Variants in IKZF3 observed in about 807,000 individuals in gnomAD.
IKZF3 encodes IKAROS family zinc finger 3, also known as zinc finger protein Aiolos.
Under a neutral mutation model 49.0 loss-of-function variants are expected in IKZF3, and 10 were observed. That is an observed-to-expected ratio of 0.20 (90% CI 0.13 to 0.35). The LOEUF is 0.35. Ranked by LOEUF, IKZF3 falls within the 10% of genes least tolerant of loss-of-function variation. IKZF3 has a pLI of 1.00. For missense variants in IKZF3, 498 were observed against 664.8 expected, an observed-to-expected ratio of 0.75 and a Z score of 2.76; for synonymous variants, 209 against 228.2, an observed-to-expected ratio of 0.92 and a Z score of 0.76.
chr17:39,801,146 G>C (rs2061306864), intron 3 of IKZF3, among the ~76,000 whole-genome samples: 1 of 152,204 alleles, frequency 6.6e-6, no homozygotes, highest in South Asian at 2.1e-4. Context: ...GGCTGTTAGG[G>C]AAGGCACAAA....
intron 3 of IKZF3, among the ~76,000 whole-genome samples, chr17:39,793,158 T>C (rs1414904315): frequency 1.3e-5 from 2 of 151,820 alleles, no homozygotes; most frequent in Admixed American, 6.6e-5. Flanking sequence ...AAATAGACGA[T>C]AGTGTTTTAG....
At chr17:39,788,222 G>A in intron 6 of IKZF3, 36 bp downstream of exon 6, 2 of 1,258,942 alleles carry the variant, frequency 1.6e-6, no homozygotes, top group South Asian at 2.4e-5. Flanking sequence ...ACCTAGGACA[G>A]CAGATGCTCA....
intron 3 of IKZF3, among the ~76,000 whole-genome samples, chr17:39,801,984 T>C (rs906499819): frequency 1.3e-5 from 2 of 151,912 alleles, no homozygotes; most frequent in African/African-American, 4.8e-5. Context: ...CCCAGCACTT[T>C]GGGAGGCTGA....
Position 39,798,528 on chromosome 17 carries a change from C to T in IKZF3, c.164-5595G>A, listed in dbSNP as rs374976558. ...ACGTATTTTTTTTTTTTTTTTGAGACGGAGTCTTTCTCTGTCTCTCAGGCT... is the reference window on the plus strand; with the variant it reads ...ACGTATTTTTTTTTTTTTTTTGAGATGGAGTCTTTCTCTGTCTCTCAGGCT... On this transcript the variant is annotated intron_variant, in intron 3 of 7. Coordinates refer to ENST00000346872, the MANE Select transcript of IKZF3 (RefSeq NM_012481.5). 1.0e-3 allele frequency among the ~76,000 whole-genome samples: 152 copies of T among 146,316 alleles called. 1 individual carries two copies. Among genetic ancestry groups the T allele is most frequent in the African/African-American group, 3.3e-3 (131 of 39,184 alleles).
At chr17:39,829,525 C>T (rs371738204) in intron 2 of IKZF3, 37 bp from the exon 3 acceptor site, 23 of 1,429,372 alleles carry the variant, frequency 1.6e-5, no homozygotes, top group South Asian at 3.5e-5. Context: ...TGTGGTTCAA[C>T]GTTAAAGGAT....
chr17:39,860,763 A>G (rs1357786327), intron 1 of IKZF3, among the ~76,000 whole-genome samples: 2 of 152,190 alleles, frequency 1.3e-5, no homozygotes, highest in African/African-American at 4.8e-5. Flanking sequence ...AAAACTACCT[A>G]TAGGACACTA....
chr17:39,780,133 G>C (rs939710167), intron 6 of IKZF3, among the ~76,000 whole-genome samples: 1 of 151,690 alleles, frequency 6.6e-6, no homozygotes, highest in African/African-American at 2.4e-5. Flanking sequence ...GAGCCCAGGG[G>C]TTTGAGGTTA....
intron 1 of IKZF3, among the ~76,000 whole-genome samples, chr17:39,833,188 G>A (rs1473790075): frequency 6.6e-6 from 1 of 152,102 alleles, no homozygotes; most frequent in African/African-American, 2.4e-5. Flanking sequence ...GCAGATATCA[G>A]TATACCTCAG....
intron 7 of IKZF3, among the ~76,000 whole-genome samples, chr17:39,776,713 G>T (rs1266308803): frequency 2.0e-5 from 3 of 152,184 alleles, no homozygotes; most frequent in African/African-American, 7.2e-5. Flanking sequence ...AATTTAGTCA[G>T]ATTTAAAAAC....
intron 6 of IKZF3, among the ~76,000 whole-genome samples, chr17:39,781,776 A>G (rs1294724154): frequency 6.6e-6 from 1 of 152,228 alleles, no homozygotes; most frequent in African/African-American, 2.4e-5. Context: ...TTTTGAGATA[A>G]CATCACCTTT....
chr17:39,843,457 C>T (rs924774741), intron 1 of IKZF3, among the ~76,000 whole-genome samples: 3 of 150,904 alleles, frequency 2.0e-5, no homozygotes, highest in East Asian at 1.9e-4. Context: ...AAAGAAAGAA[C>T]GAAAACTAGC....
At chr17:39,802,221 CAAAAAA>C (rs56029512) in intron 3 of IKZF3, among the ~76,000 whole-genome samples, 1 of 54,416 alleles carries the variant, frequency 1.8e-5, no homozygotes, top group Admixed American at 3.3e-4. Context: ...GACTCCATCT[CAAAAAA>C]AAAAAAAAAA....
At chr17:39,781,083 TA>T (rs2060731011) in intron 6 of IKZF3, among the ~76,000 whole-genome samples, 1 of 152,134 alleles carries the variant, frequency 6.6e-6, no homozygotes, top group South Asian at 2.1e-4. Flanking sequence ...CAGTTGTAAA[TA>T]ACGGGCACTT....
At chr17:39,782,219 C>G (rs2060760231) in intron 6 of IKZF3, among the ~76,000 whole-genome samples, 1 of 152,172 alleles carries the variant, frequency 6.6e-6, no homozygotes, top group Non-Finnish European at 1.5e-5. Context: ...TGTTGGATAG[C>G]TGATGCACAA....
At position 39,792,664 on chromosome 17, in the gene IKZF3, A is replaced by G. The variant is rs1458392163; in HGVS notation, c.424+9T>C. On this transcript the variant is annotated intron_variant, in intron 4 of 7. Coordinates refer to ENST00000346872, the MANE Select transcript of IKZF3 (RefSeq NM_012481.5). ...GTTTTCAGAAGAATGAAAAAAGCAG[A>G]CTATTTACCAGTATGGCTTCGCTTA... 1 of 1,602,542 alleles carries G rather than the reference A, an allele frequency of 6.2e-7. No homozygotes were observed. The highest frequency in any genetic ancestry group is 2.2e-5 in the East Asian group (1 of 44,700).
intron 3 of IKZF3, among the ~76,000 whole-genome samples, chr17:39,799,398 T>C (rs2061260730): frequency 6.6e-6 from 1 of 152,196 alleles, no homozygotes; most frequent in Admixed American, 6.5e-5. Flanking sequence ...TTTCATTTGC[T>C]TATAGAATAA....
At position 39,864,186 on chromosome 17, in the gene IKZF3, T is replaced by G. The variant is rs2063298991; in HGVS notation, c.-60A>C. The G allele has an allele frequency of 6.3e-7, 1 of 1,596,112 alleles. No individual in the cohort carries two copies. Among genetic ancestry groups the G allele is most frequent in the Non-Finnish European group, 8.5e-7 (1 of 1,170,238 alleles). Reference sequence around the variant, plus strand: ...GCTACTCGGCCTCTCCACGTGCTCCTGCCGTCGCCTGGACTCAGCGCGCAG... The same window carrying G: ...GCTACTCGGCCTCTCCACGTGCTCCGGCCGTCGCCTGGACTCAGCGCGCAG... On this transcript the variant is annotated 5_prime_UTR_variant, in exon 1 of 8. Coordinates refer to ENST00000346872, the MANE Select transcript of IKZF3 (RefSeq NM_012481.5).
intron 1 of IKZF3, chr17:39,835,282 T>C: frequency 1.8e-6 from 1 of 553,170 alleles, no homozygotes. Context: ...TTGATGGTCA[T>C]CAGCTCCTGG....
intron 6 of IKZF3, among the ~76,000 whole-genome samples, chr17:39,780,476 A>G (rs546977374): frequency 1.0e-3 from 157 of 151,948 alleles, no homozygotes; most frequent in African/African-American, 3.6e-3. Context: ...TAATCCTTCT[A>G]CCTCAGGTTC....
Sources: allele counts gnomAD v4.1 joint callset (sites outside exome capture counted in the v4.1 genomes callset), GRCh38; gene constraint gnomAD v4.1.1; transcripts MANE v1.5; gene names NCBI Gene and HGNC (gene_info 2026-07-23, HGNC 2026-07-21).